The following SKIC3 variants were observed in gnomAD, a reference collection of about 807,000 sequenced individuals.
SKIC3 encodes superkiller complex protein 3.
the SKIC3 span, among the ~76,000 whole-genome samples, chr5:95,503,615 A>G: frequency 3.3e-5 from 5 of 152,200 alleles, no homozygotes; most frequent in Non-Finnish European, 5.9e-5. Flanking sequence ...TAACACTACT[A>G]TAAAGACTAT....
At chr5:95,481,903 GCA>G in the SKIC3 span, among the ~76,000 whole-genome samples, 7 of 152,052 alleles carry the variant, frequency 4.6e-5, no homozygotes, top group Non-Finnish European at 1.0e-4. Context: ...TTTCTCTGGG[GCA>G]CAGAGGAAAT....
At chr5:95,497,338 GC>G in the SKIC3 span, 2 of 1,229,812 alleles carry the variant, frequency 1.6e-6, no homozygotes, top group Non-Finnish European at 2.3e-6. Flanking sequence ...GAAGAATAAT[GC>G]CATAGTTTAA....
chr5:95,549,975 C>G, the SKIC3 span, among the ~76,000 whole-genome samples: 4 of 152,102 alleles, frequency 2.6e-5, no homozygotes, highest in South Asian at 8.3e-4. Flanking sequence ...ATCTAGCTCT[C>G]TTGCAAGAGA....
the SKIC3 span, chr5:95,464,758 T>A: frequency 2.5e-6 from 3 of 1,204,420 alleles, no homozygotes; most frequent in Non-Finnish European, 3.6e-6. Context: ...TGAAGCCAAG[T>A]AATCCAAGGG....
At chr5:95,530,201 A>G in the SKIC3 span, 1 of 1,613,544 alleles carries the variant, frequency 6.2e-7, no homozygotes, top group Admixed American at 1.7e-5. Context: ...ATCTACAACA[A>G]TACTGCTGCC....
chr5:95,522,283 G>T, the SKIC3 span: 3 of 1,613,392 alleles, frequency 1.9e-6, no homozygotes, highest in Non-Finnish European at 2.5e-6. Context: ...AGTCCTTTGG[G>T]TCTGCTCTTA....
the SKIC3 span, among the ~76,000 whole-genome samples, chr5:95,492,678 A>G: frequency 1.4e-5 from 2 of 142,384 alleles, no homozygotes; most frequent in African/African-American, 2.7e-5. Context: ...AAAAAAAAAA[A>G]AAAAAAAAAA....
the SKIC3 span, chr5:95,540,810 C>T: frequency 6.2e-7 from 1 of 1,614,068 alleles, no homozygotes; most frequent in South Asian, 1.1e-5. Context: ...TTTTTATCAA[C>T]TTGTGCCATG....
At chr5:95,478,532 T>C in the SKIC3 span, 1 of 1,562,926 alleles carries the variant, frequency 6.4e-7, no homozygotes, top group Non-Finnish European at 8.8e-7. Flanking sequence ...ATAAACTTTG[T>C]CGTAGTAAAA....
chr5:95,494,638 G>GA, the SKIC3 span: 896 of 1,554,894 alleles, frequency 5.8e-4, no homozygotes, highest in Middle Eastern at 6.8e-4. Flanking sequence ...TATGTATTTA[G>GA]AAAAAAAAAG....
chr5:95,493,547 TA>T, the SKIC3 span, among the ~76,000 whole-genome samples: 1 of 152,298 alleles, frequency 6.6e-6, no homozygotes, highest in East Asian at 1.9e-4. Flanking sequence ...TCAAAATGTT[TA>T]GTCTCTTTTT....
At chr5:95,482,648 A>G in the SKIC3 span, 1 of 1,613,688 alleles carries the variant, frequency 6.2e-7, no homozygotes, top group Non-Finnish European at 8.5e-7. Context: ...ATCAAATCCC[A>G]AAGAGGAACA....
chr5:95,476,254 G>A, the SKIC3 span, among the ~76,000 whole-genome samples: 1 of 152,040 alleles, frequency 6.6e-6, no homozygotes, highest in Admixed American at 6.6e-5. Flanking sequence ...CCGCAGCCCT[G>A]GGGGCACTGG....
the SKIC3 span, among the ~76,000 whole-genome samples, chr5:95,537,909 A>G: frequency 4.6e-5 from 7 of 152,216 alleles, no homozygotes. Context: ...GTAAATAAGT[A>G]AAATTTTGCT....
the SKIC3 span, among the ~76,000 whole-genome samples, chr5:95,518,401 T>C: frequency 6.6e-6 from 1 of 152,098 alleles, no homozygotes; most frequent in African/African-American, 2.4e-5. Context: ...CACTAGAACT[T>C]ATTCCTCCTA....
At chr5:95,512,736 G>C in the SKIC3 span, 3 of 1,195,064 alleles carry the variant, frequency 2.5e-6, no homozygotes, top group Admixed American at 6.0e-5. Flanking sequence ...TGTTCTTTAA[G>C]TCAATTGTTA....
chr5:95,504,631 C>T, the SKIC3 span, among the ~76,000 whole-genome samples: 2 of 149,550 alleles, frequency 1.3e-5, no homozygotes, highest in African/African-American at 2.6e-5. Context: ...TTTATCTGCA[C>T]ATTTTTTTTT....
the SKIC3 span, among the ~76,000 whole-genome samples, chr5:95,546,091 C>A: frequency 6.6e-6 from 1 of 152,124 alleles, no homozygotes; most frequent in Non-Finnish European, 1.5e-5. Flanking sequence ...AGCTTAGACT[C>A]CAGGGCTCAC....
At chr5:95,524,568 T>C in the SKIC3 span, 14 of 1,613,664 alleles carry the variant, frequency 8.7e-6, no homozygotes, top group Non-Finnish European at 1.2e-5. Flanking sequence ...AACTTCGGTA[T>C]CTTTCTCAAG....
Sources: allele counts gnomAD v4.1 joint callset (sites outside exome capture counted in the v4.1 genomes callset), GRCh38; gene constraint gnomAD v4.1.1; transcripts MANE v1.5; gene names NCBI Gene and HGNC (gene_info 2026-07-23, HGNC 2026-07-21).